Variants in ANKRD17 observed in about 807,000 individuals in gnomAD.
ANKRD17 encodes ankyrin repeat domain 17.
ANKRD17 carries 19 observed loss-of-function variants against 229.7 expected under a neutral mutation model. That is an observed-to-expected ratio of 0.08 (90% CI 0.06 to 0.12). The LOEUF (loss-of-function observed/expected upper bound fraction) is 0.12. Among genes scored for constraint, ANKRD17 ranks in the 10% least tolerant of loss-of-function variants. The pLI, the probability that ANKRD17 is intolerant of heterozygous loss-of-function variation, is 1.00. For missense variants in ANKRD17, 2,176 were observed against 3,176.8 expected, an observed-to-expected ratio of 0.68 and a Z score of 7.57; for synonymous variants, 1,112 against 1,146.1, an observed-to-expected ratio of 0.97 and a Z score of 0.60.
intron 1 of ANKRD17, among the ~76,000 whole-genome samples, chr4:73,206,155 C>T (rs6824334): frequency 0.13 from 19,935 of 151,982 alleles, 1,440 homozygotes; most frequent in South Asian, 0.19. Context: ...TTAATATAGC[C>T]ATTATGGAAA....
intron 2 of ANKRD17, among the ~76,000 whole-genome samples, chr4:73,163,503 A>C (rs1370111552): frequency 6.6e-6 from 1 of 152,252 alleles, no homozygotes; most frequent in Non-Finnish European, 1.5e-5. Context: ...GTTTTACAAC[A>C]AACTAGTTAA....
chr4:73,135,638 G>C (rs1728798126), intron 15 of ANKRD17, among the ~76,000 whole-genome samples: 1 of 152,176 alleles, frequency 6.6e-6, no homozygotes, highest in South Asian at 2.1e-4. Flanking sequence ...GTCAAGATCA[G>C]AAGGGGGAAT....
intron 1 of ANKRD17, among the ~76,000 whole-genome samples, chr4:73,254,182 G>C (rs1483413359): frequency 6.6e-6 from 1 of 152,170 alleles, no homozygotes; most frequent in African/African-American, 2.4e-5. Flanking sequence ...ATTTCCAAAT[G>C]AAGCTGAACA....
At chr4:73,078,568 T>TA in intron 31 of ANKRD17, 74 bp downstream of exon 31, 2 of 1,491,332 alleles carry the variant, frequency 1.3e-6, no homozygotes, top group Admixed American at 2.2e-5. Context: ...AAATGACTAT[T>TA]AAAGTTAAAT....
In ANKRD17 at chr4:73,120,238, G is replaced by A; in HGVS notation, c.3949C>T (p.Pro1317Ser). 1 of 1,614,014 alleles carries A rather than the reference G, an allele frequency of 6.2e-7. No homozygotes were observed. Among genetic ancestry groups the A allele is most frequent in the South Asian group, 1.1e-5 (1 of 91,076 alleles). ...GTTAAAGCTGTATCTCTTGAGGAGG[G>A]AACTGGAGGGGCATTAACATCAGCA... Reference protein sequence around the residue: ...KGADVNAPPVPSSRDTALTIA... With the variant: ...KGADVNAPPVSSSRDTALTIA... Residue 1317 changes from proline to serine, a missense_variant, in exon 21 of 34, where the codon CCC becomes TCC. Around this residue, in one of 18 missense-constraint regions of ANKRD17, gnomAD observed 178 missense variants for 421.7 expected, o/e 0.42. Transcript: ENST00000358602.
chr4:73,105,626 TAAAA>T (rs1247716515), intron 24 of ANKRD17, among the ~76,000 whole-genome samples: 1 of 151,778 alleles, frequency 6.6e-6, no homozygotes, highest in East Asian at 1.9e-4. Context: ...AAATAAAATT[TAAAA>T]AAAAGAAGGA....
At chr4:73,152,905 T>A (rs764907330) in intron 6 of ANKRD17, among the ~76,000 whole-genome samples, 2 of 152,242 alleles carry the variant, frequency 1.3e-5, no homozygotes, top group Non-Finnish European at 2.9e-5. Context: ...AAGCACTTTA[T>A]AAATAAACCA....
chr4:73,082,845 TAA>T (rs375997745), intron 30 of ANKRD17, among the ~76,000 whole-genome samples: 15 of 152,294 alleles, frequency 9.8e-5, no homozygotes, highest in African/African-American at 3.1e-4. Flanking sequence ...GAGAAAATAA[TAA>T]AGTTATTGAG....
At chr4:73,092,953 T>C (rs1002912656) in intron 28 of ANKRD17, among the ~76,000 whole-genome samples, 3 of 152,190 alleles carry the variant, frequency 2.0e-5, no homozygotes, top group Admixed American at 2.0e-4. Flanking sequence ...AAATATTTGA[T>C]ATTTATGGAA....
chr4:73,151,673 G>T, intron 6 of ANKRD17, 149 bp from the exon 7 acceptor site: 1 of 542,362 alleles, frequency 1.8e-6, no homozygotes, highest in Non-Finnish European at 3.0e-6. Context: ...CTCAATTGTA[G>T]AACACAAATT....
intron 18 of ANKRD17, among the ~76,000 whole-genome samples, chr4:73,124,022 T>A (rs995868706): frequency 2.7e-5 from 4 of 150,866 alleles, no homozygotes; most frequent in African/African-American, 9.7e-5. Flanking sequence ...AAAAAAAAAA[T>A]CTGAAGATAG....
intron 25 of ANKRD17, chr4:73,099,013 CA>C: frequency 2.0e-6 from 2 of 985,912 alleles, no homozygotes; most frequent in Non-Finnish European, 3.2e-6. Context: ...CAAAGGGAAG[CA>C]AAAACAAGGG....
chr4:73,200,806 T>C (rs932238839), intron 1 of ANKRD17, among the ~76,000 whole-genome samples: 3 of 152,104 alleles, frequency 2.0e-5, no homozygotes, highest in Non-Finnish European at 4.4e-5. Flanking sequence ...AATACTGTGC[T>C]AGGCACTGAA....
At chr4:73,199,131 T>C (rs1039629741) in intron 1 of ANKRD17, among the ~76,000 whole-genome samples, 1 of 152,158 alleles carries the variant, frequency 6.6e-6, no homozygotes, top group East Asian at 1.9e-4. Context: ...ATGTTACTGT[T>C]ATAAAAGTCA....
chr4:73,152,269 A>G (rs1023360068), intron 6 of ANKRD17, among the ~76,000 whole-genome samples: 2 of 152,218 alleles, frequency 1.3e-5, no homozygotes, highest in Non-Finnish European at 2.9e-5. Flanking sequence ...AGAAGGACAG[A>G]TAGTGGAGTC....
Position 73,091,622 on chromosome 4 carries a change from A to T in ANKRD17, c.6006T>A (p.Val2002=). The T allele has an allele frequency of 6.2e-7, 1 of 1,614,152 alleles. No homozygotes were observed. The highest frequency in any genetic ancestry group is 8.5e-7 in the Non-Finnish European group (1 of 1,180,016). The change falls in exon 29 of 34, where the codon GTT becomes GTA. Residue 2002 remains valine (V), a synonymous_variant. Transcript: ENST00000358602. The part of the protein sequence containing the change: ...PSVRRQLFVT[V]VKTSNATTTT... The stretch of plus-strand genomic sequence containing the variant: ...TTGTGGTGGCATTGGATGTCTTCAC[A>T]ACTGTGACAAAAAGCTGCCTTCGGA...
chr4:73,214,493 T>C (rs2149174100), intron 1 of ANKRD17, among the ~76,000 whole-genome samples: 1 of 152,262 alleles, frequency 6.6e-6, no homozygotes, highest in Middle Eastern at 3.4e-3. Flanking sequence ...ATTTGCCTGT[T>C]GCACTGTGTT....
At chr4:73,167,292 A>G (rs560660952) in intron 2 of ANKRD17, among the ~76,000 whole-genome samples, 1 of 152,306 alleles carries the variant, frequency 6.6e-6, no homozygotes, top group Non-Finnish European at 1.5e-5. Context: ...GGAGAGGAAA[A>G]GTGAAAGAGA....
intron 2 of ANKRD17, among the ~76,000 whole-genome samples, chr4:73,175,741 C>G (rs1421400839): frequency 6.6e-6 from 1 of 152,092 alleles, no homozygotes; most frequent in Non-Finnish European, 1.5e-5. Context: ...GCTGGGAAAG[C>G]TGGATATCCA....
Sources: gnomAD v4.1 joint callset for allele counts (sites outside exome capture counted in the v4.1 genomes callset) on GRCh38, gnomAD v4.1.1 for gene constraint, gnomAD v4.1.1 regional missense constraint, MANE v1.5 for transcripts, NCBI Gene and HGNC (gene_info 2026-07-23, HGNC 2026-07-21) for gene names.